SERPINA12: variants seen among roughly 807,000 people sequenced by gnomAD.
SERPINA12 encodes the protein serpin family A member 12.
A neutral mutation model predicts 25.9 loss-of-function variants in SERPINA12; 21 were observed. That is an observed-to-expected ratio of 0.81 (90% CI 0.58 to 1.17). The LOEUF is 1.17. SERPINA12 is among the 50% of genes most tolerant of loss of function. The pLI, the probability that SERPINA12 is intolerant of heterozygous loss-of-function variation, is 0.00. For missense variants in SERPINA12, 562 were observed against 508.3 expected, an observed-to-expected ratio of 1.11 and a Z score of -1.02; for synonymous variants, 220 against 196.0, an observed-to-expected ratio of 1.12 and a Z score of -1.02.
At chr14:94,517,614 T>C (rs1376036886) in exon 1 of SERPINA12, 1 of 152,206 alleles carries the variant, frequency 6.6e-6, no homozygotes, top group Non-Finnish European at 1.5e-5. Context: ...TCCCCAGTAC[T>C]GGAAGCTTTT....
intron 1 of SERPINA12, among the ~76,000 whole-genome samples, chr14:94,505,040 C>T (rs1900883961): frequency 6.6e-6 from 1 of 152,200 alleles, no homozygotes; most frequent in Non-Finnish European, 1.5e-5. Context: ...TTCAATTCTG[C>T]TTAATCTAAT....
chr14:94,496,392 T>G lies in SERPINA12; in HGVS notation c.886A>C (p.Lys296Gln), dbSNP rs775467309. 1.9e-6 allele frequency: 3 copies of G among 1,614,206 alleles called. No homozygotes were observed. The South Asian group carries it at 3.3e-5, about 18-fold the overall frequency. ...CTTTACCTGCGTGACAGTAATGTTTTCCATCTGGAGAAAGTGTCCACCTGC... is the reference window on the plus strand; with the variant it reads ...CTTTACCTGCGTGACAGTAATGTTTGCCATCTGGAGAAAGTGTCCACCTGC... ...GLQVDTFSRW[K>Q]TLLSRRVVDV... is the part of the protein sequence containing the mutation. The change falls in exon 3 of 5, where the codon AAA (lysine) becomes CAA (glutamine). Residue 296 changes from lysine (K) to glutamine (Q), a missense_variant. Lys to Gln is a moderately conservative substitution (Grantham distance 53). Coordinates refer to ENST00000677451, the MANE Select transcript of SERPINA12 (RefSeq NM_001382267.1).
rs3065835 is a variant in SERPINA12, at chr14:94,509,279, AACACACACACACACACAC to A, written c.-34+45_-34+62del. The stretch of plus-strand genomic sequence containing the variant: ...TCTTCTCTAAGACAGAGAAACAGAC[AACACACACACACACACAC>A]ACACACACACACACACACACACACA... On this transcript the variant is annotated intron_variant, in intron 1 of 4. Coordinates refer to ENST00000677451, the MANE Select transcript of SERPINA12 (RefSeq NM_001382267.1). 3.0e-5 allele frequency among the ~76,000 whole-genome samples: 4 copies of A among 134,722 alleles called. No individual in the cohort carries two copies. In the East Asian group the frequency reaches 6.5e-4, roughly 22 times the overall value. The allele number at this position is 134,722 out of a possible 152,430, so 88.4% of individuals were successfully genotyped here.
At chr14:94,497,027 A>G (rs1232626496) in intron 2 of SERPINA12, among the ~76,000 whole-genome samples, 1 of 152,200 alleles carries the variant, frequency 6.6e-6, no homozygotes, top group Non-Finnish European at 1.5e-5. Flanking sequence ...GTGGATTTTG[A>G]GAACCCTCAA....
In SERPINA12 at chr14:94,487,377, G is replaced by A. The variant is rs1187444697; in HGVS notation, c.1171C>T (p.Leu391=). 2 of 1,614,034 alleles carry A rather than the reference G, an allele frequency of 1.2e-6. No homozygotes were observed. ...ATTTTCTCGCTGTAAATCAGCAGCA[G>A]ATAGGGTTTGTCTATCTTGACGACG... ...PLVVKIDKPY[L]LLIYSEKIPS... The change falls in exon 5 of 5, where the codon CTG becomes TTG. Residue 391 remains leucine, a synonymous_variant. Transcript: ENST00000677451.
intron 3 of SERPINA12, among the ~76,000 whole-genome samples, 180 bp downstream of exon 3, chr14:94,496,193 C>G (rs1339758272): frequency 6.6e-6 from 1 of 152,228 alleles, no homozygotes; most frequent in Admixed American, 6.5e-5. Context: ...GAATCTCCCT[C>G]AAAGAGCCAG....
chr14:94,498,145 T>C lies in SERPINA12; in HGVS notation c.253A>G (p.Met85Val), dbSNP rs1414405078. The change falls in exon 2 of 5, where the codon ATG (methionine) becomes GTG (valine). Residue 85 changes from methionine to valine, a missense_variant. Physicochemically the swap from Met to Val is conservative, Grantham distance 21. Transcript: ENST00000677451. ...SPLSISTAFS[M>V]LCLGAQDSTL... ...CTGTCCTGGGCACCCAGGCACAGCA[T>C]GGAGAAAGCTGTAGAGATGCTCAAG... is the stretch of plus-strand genomic sequence containing the variant. The C allele has an allele frequency of 1.9e-6, 3 of 1,614,134 alleles. No homozygotes were observed. The highest frequency in any genetic ancestry group is 2.5e-6 in the Non-Finnish European group (3 of 1,180,016).
In SERPINA12 at chr14:94,497,789, A is replaced by G. The variant is rs1566809416; in HGVS notation, c.609T>C (p.Leu203=). The G allele has an allele frequency of 6.2e-7, 1 of 1,607,848 alleles. No individual in the cohort carries two copies. The change falls in exon 2 of 5, where the codon CTT becomes CTC. Residue 203 remains leucine, a synonymous_variant. Transcript: ENST00000677451. ...CTCGAAAGAAAATATAATTTGCAAG[A>G]AGCATCACAGTGCCGGGGTCTATAT... ...IENIDPGTVM[L]LANYIFFRAR... is the part of the protein sequence containing the mutation.
upstream of SERPINA12, chr14:94,510,041 C>T (rs1435846963): frequency 7.1e-6 from 7 of 985,432 alleles, no homozygotes; most frequent in Non-Finnish European, 8.4e-6. Context: ...CACCCCACTC[C>T]CGAGCTCTGG....
At chr14:94,514,239 T>C (rs951626513), upstream of SERPINA12, among the ~76,000 whole-genome samples, 1 of 152,268 alleles carries the variant, frequency 6.6e-6, no homozygotes, top group Non-Finnish European at 1.5e-5. Context: ...GTGATGGCAC[T>C]GATGACAGAG....
At chr14:94,491,792 T>A (rs1043873990) in intron 3 of SERPINA12, among the ~76,000 whole-genome samples, 1 of 152,140 alleles carries the variant, frequency 6.6e-6, no homozygotes, top group African/African-American at 2.4e-5. Context: ...TCTGGATGTG[T>A]TGACACTAAG....
At chr14:94,487,889 C>G (rs1169934611) in intron 4 of SERPINA12, among the ~76,000 whole-genome samples, 13 of 152,094 alleles carry the variant, frequency 8.5e-5, no homozygotes, top group Admixed American at 6.5e-4. Flanking sequence ...TTTCATCCAC[C>G]TGGTGGATGG....
chr14:94,497,937 G>A lies in SERPINA12; in HGVS notation c.461C>T (p.Ala154Val), dbSNP rs771002370. ...LQPQRKFLED[A>V]KNFYSAETIL... ...GGTTTCGGCACTGTAAAAGTTCTTG[G>A]CATCTTCCAAAAACTTACGCTGTGG... Residue 154 changes from alanine to valine, a missense_variant, in exon 2 of 5, where the codon GCC becomes GTC. By Grantham distance (64) the Ala-to-Val change is moderately conservative. Coordinates refer to ENST00000677451, the MANE Select transcript of SERPINA12 (RefSeq NM_001382267.1). The A allele has an allele frequency of 1.5e-5, 24 of 1,614,026 alleles. No individual in the cohort carries two copies. The highest frequency in any genetic ancestry group is 1.7e-5 in the Admixed American group (1 of 60,004).
chr14:94,512,347 C>T (rs1051501621), upstream of SERPINA12, among the ~76,000 whole-genome samples: 10 of 152,226 alleles, frequency 6.6e-5, no homozygotes, highest in Admixed American at 4.6e-4. Context: ...GTATTTCCAT[C>T]TGCCCAATGG....
intron 3 of SERPINA12, 48 bp from the exon 4 acceptor site, chr14:94,489,815 G>A: frequency 6.3e-7 from 1 of 1,589,568 alleles, no homozygotes; most frequent in Non-Finnish European, 8.6e-7. Flanking sequence ...CTGTTGTGTT[G>A]CAGGGCAAGC....
At chr14:94,513,147 C>G (rs185172881), upstream of SERPINA12, among the ~76,000 whole-genome samples, 1 of 152,170 alleles carries the variant, frequency 6.6e-6, no homozygotes, top group South Asian at 2.1e-4. Context: ...CCAGGATAAG[C>G]GAAAGCAGGC....
Position 94,494,949 on chromosome 14 carries a change from G to A in SERPINA12, c.905+1424C>T, listed in dbSNP as rs80171025. Among the ~76,000 whole-genome samples, 429 of 152,244 alleles carry A rather than the reference G, an allele frequency of 2.8e-3. 9 individuals carry two copies. The East Asian group carries it at 0.049, about 18-fold the overall frequency. On this transcript the variant is annotated intron_variant, in intron 3 of 4. Transcript: ENST00000677451. Reference sequence around the variant, plus strand: ...CCCTGGTTCCCAGTGGGAAGGGCAGGTGAGACTATGCAGATCTCAAGGGAT... The same window carrying A: ...CCCTGGTTCCCAGTGGGAAGGGCAGATGAGACTATGCAGATCTCAAGGGAT...
At chr14:94,496,233 C>T (rs976879342) in intron 3 of SERPINA12, 140 bp downstream of exon 3, 16 of 807,946 alleles carry the variant, frequency 2.0e-5, no homozygotes, top group Admixed American at 1.5e-4. Flanking sequence ...TGATTTGTTC[C>T]CCAGTCTAAT....
At chr14:94,510,279 A>G, upstream of SERPINA12, 2 of 985,258 alleles carry the variant, frequency 2.0e-6, no homozygotes, top group Non-Finnish European at 1.2e-6. Flanking sequence ...TCCGTGCTAA[A>G]TGTCATTCAA....
Sources: allele counts gnomAD v4.1 joint callset (sites outside exome capture counted in the v4.1 genomes callset), GRCh38; gene constraint gnomAD v4.1.1; transcripts MANE v1.5; gene names NCBI Gene and HGNC (gene_info 2026-07-23, HGNC 2026-07-21).